Variants in XIRP1 observed in about 807,000 individuals in gnomAD.
The protein encoded by XIRP1 is xin actin-binding repeat-containing protein 1.
For synonymous variants in XIRP1, 984 were observed against 947.0 expected (o/e 1.04, Z -0.72); for missense variants, 2,378 against 2,345.4 (o/e 1.01, Z -0.29).
chr3:39,184,139 A>G lies in XIRP1; in HGVS notation c.5307T>C (p.Thr1769=), dbSNP rs771957452. 3.1e-6 allele frequency: 5 copies of G among 1,612,024 alleles called. No individual in the cohort carries two copies. In the Admixed American group the frequency reaches 8.3e-5, roughly 27 times the overall value. Reference sequence around the variant, plus strand: ...ACTGGTCCACCTCCTCATACTGTTCAGTCACGGTTCTCATGGCTCCATAGT... The same window carrying G: ...ACTGGTCCACCTCCTCATACTGTTCGGTCACGGTTCTCATGGCTCCATAGT... The part of the protein sequence containing the change: ...SQHYGAMRTV[T]EQYEEVDQFG... The change falls in exon 2 of 2, where the codon ACT becomes ACC. Residue 1769 remains threonine (T), a synonymous_variant. Transcript: ENST00000340369.
rs2039990074 is a variant in XIRP1 at position 39,186,949 on chromosome 3, G to C, written c.2497C>G (p.Gln833Glu). The C allele has an allele frequency of 3.1e-6, 5 of 1,612,708 alleles. No homozygotes were observed. The highest frequency in any genetic ancestry group is 4.2e-6 in the Non-Finnish European group (5 of 1,178,820). ...VSGELPRIIC[Q>E]VLRRPDVDQQ... Reference sequence around the variant, plus strand: ...TCCACATCTGGCCGGCGCAGGACTTGGCAGATGATCCTGGGAAGTTCACCT... The same window carrying C: ...TCCACATCTGGCCGGCGCAGGACTTCGCAGATGATCCTGGGAAGTTCACCT... The change falls in exon 2 of 2, where the codon CAA becomes GAA. Residue 833 changes from glutamine to glutamate, a missense_variant. By Grantham distance (29) the Gln-to-Glu change is conservative (BLOSUM62 2). Transcript: ENST00000340369.
In XIRP1 at chr3:39,187,975, C is replaced by A; in HGVS notation, c.1471G>T (p.Gly491Cys). 1.9e-6 allele frequency: 3 copies of A among 1,614,204 alleles called. No homozygotes were observed. Among genetic ancestry groups the A allele is most frequent in the Non-Finnish European group, 2.5e-6 (3 of 1,180,044 alleles). Residue 491 changes from glycine to cysteine, a missense_variant, in exon 2 of 2, where the codon GGC becomes TGC. By Grantham distance (159) the Gly-to-Cys change is radical. Coordinates refer to ENST00000340369, the MANE Select transcript of XIRP1 (RefSeq NM_194293.4). ...SPVYAMQDSK[G>C]RLHALTSVSR... Reference sequence around the variant, plus strand: ...ACAGAGGTCAGGGCATGGAGGCGGCCCTTGCTGTCCTGCATGGCATACACT... The same window carrying A: ...ACAGAGGTCAGGGCATGGAGGCGGCACTTGCTGTCCTGCATGGCATACACT...
chr3:39,188,074 C>A lies in XIRP1; in HGVS notation c.1372G>T (p.Val458Phe). ...LPLDSIGQGE[V>F]LAHGSPSREE... ...CTGCTTGGACTCCCATGGGCCAGAA[C>A]CTCACCCTGTCCAATGCTGTCCAAG... is the stretch of plus-strand genomic sequence containing the variant. Residue 458 changes from valine to phenylalanine, a missense_variant, in exon 2 of 2, where the codon GTT becomes TTT. Physicochemically the swap from Val to Phe is conservative, Grantham distance 50 (BLOSUM62 -1). Transcript: ENST00000340369. The A allele has an allele frequency of 6.2e-7, 1 of 1,614,228 alleles. No homozygotes were observed. The highest frequency in any genetic ancestry group is 8.5e-7 in the Non-Finnish European group (1 of 1,180,040).
intron 1 of XIRP1, among the ~76,000 whole-genome samples, chr3:39,190,122 G>A (rs2040066975): frequency 6.6e-6 from 1 of 152,244 alleles, no homozygotes; most frequent in South Asian, 2.1e-4. Flanking sequence ...GAGAATCAGG[G>A]CTGGGAAGCT....
At position 39,186,073 on chromosome 3, in the gene XIRP1, G is replaced by A. The variant is rs2039963935; in HGVS notation, c.3373C>T (p.Gln1125Ter). The change falls in exon 2 of 2, where the codon CAA becomes TAA. Residue 1125 changes from glutamine (Q) to a stop codon, truncating the protein, a stop_gained. Transcript: ENST00000340369. LOFTEE classifies it low-confidence loss of function (END_TRUNC). ...AAPRKVSREEQALPRGLPGGW... is the reference protein window; with the variant it reads ...AAPRKVSREE ...CCAGGCAGCCCTCTGGGTAGTGCTTGCTCTTCCCTACTGACCTTTCTGGGG... is the reference window on the plus strand; with the variant it reads ...CCAGGCAGCCCTCTGGGTAGTGCTTACTCTTCCCTACTGACCTTTCTGGGG... 1 of 1,614,012 alleles carries A rather than the reference G, an allele frequency of 6.2e-7. No homozygotes were observed. The highest frequency in any genetic ancestry group is 1.3e-5 in the African/African-American group (1 of 74,930).
In XIRP1 at chr3:39,189,262, G is replaced by A. The variant is rs1256762425; in HGVS notation, c.184C>T (p.His62Tyr). Reference protein sequence around the residue: ...SELRRLYRHIHPELRKNLAEA... With the variant: ...SELRRLYRHIYPELRKNLAEA... The stretch of plus-strand genomic sequence containing the variant: ...GCCAGATTCTTGCGGAGCTCAGGGT[G>A]GATGTGCCTGTAGAGGCGGCGGAGC... The change falls in exon 2 of 2, where the codon CAC (histidine) becomes TAC (tyrosine). Residue 62 changes from histidine to tyrosine, a missense_variant. Transcript: ENST00000340369. 3 of 1,613,972 alleles carry A rather than the reference G, an allele frequency of 1.9e-6. No individual in the cohort carries two copies. Among genetic ancestry groups the A allele is most frequent in the Non-Finnish European group, 2.5e-6 (3 of 1,180,034 alleles).
Position 39,185,728 on chromosome 3 carries a change from G to T in XIRP1, c.3718C>A (p.Pro1240Thr). The T allele has an allele frequency of 6.2e-7, 1 of 1,609,200 alleles. No individual in the cohort carries two copies. Among genetic ancestry groups the T allele is most frequent in the East Asian group, 2.2e-5 (1 of 44,834 alleles). Residue 1240 changes from proline (P) to threonine (T), a missense_variant, in exon 2 of 2, where the codon CCC (proline) becomes ACC (threonine). Physicochemically the swap from Pro to Thr is conservative, Grantham distance 38 (BLOSUM62 -1). Transcript: ENST00000340369. ...PLGRHILASG[P>T]QAAGASPHPH... ...TGCGGGCTGGCACCTGCAGCTTGGG[G>T]CCCAGAGGCCAGAATGTGGCGGCCT...
chr3:39,188,523 C>A lies in XIRP1; in HGVS notation c.923G>T (p.Arg308Leu). 6.2e-7 allele frequency: 1 copy of A among 1,608,292 alleles called. No individual in the cohort carries two copies. Among genetic ancestry groups the A allele is most frequent in the Non-Finnish European group, 8.5e-7 (1 of 1,175,538 alleles). ...CAGGGGCTGTGTCTCAAAGATCCAG[C>A]GAGTTGCACTGACGTCGGGCCGGGC... ...EGARPDVSAT[R>L]WIFETQPLDA... Residue 308 changes from arginine (R) to leucine (L), a missense_variant, in exon 2 of 2, where the codon CGC (arginine) becomes CTC (leucine). By Grantham distance (102) the Arg-to-Leu change is moderately radical. Coordinates refer to ENST00000340369, the MANE Select transcript of XIRP1 (RefSeq NM_194293.4).
In XIRP1 at chr3:39,185,277, C is replaced by T; in HGVS notation, c.4169G>A (p.Cys1390Tyr). ...VDQGHIPLARCPSGHSQPSLQ... is the reference protein window; with the variant it reads ...VDQGHIPLARYPSGHSQPSLQ... The stretch of plus-strand genomic sequence containing the variant: ...GCTGGGCTGGCTATGTCCACTGGGA[C>T]ATCTGGCCAGAGGTATGTGGCCCTG... Residue 1390 changes from cysteine (C) to tyrosine (Y), a missense_variant, in exon 2 of 2, where the codon TGT becomes TAT. By Grantham distance (194) the Cys-to-Tyr change is radical. Transcript: ENST00000340369. The T allele has an allele frequency of 1.2e-6, 2 of 1,614,162 alleles. No individual in the cohort carries two copies. The highest frequency in any genetic ancestry group is 1.7e-5 in the Admixed American group (1 of 60,032).
Position 39,188,429 on chromosome 3 carries a change from A to G in XIRP1, c.1017T>C (p.Gly339=). Residue 339 remains glycine (G), a synonymous_variant, in exon 2 of 2, where the codon GGT becomes GGC. Coordinates refer to ENST00000340369, the MANE Select transcript of XIRP1 (RefSeq NM_194293.4). ...FQPSPDLIPP[G]PDVQQQQHLF... is the part of the protein sequence containing the mutation. Reference sequence around the variant, plus strand: ...GATGCTGCTGCTGCTGAACATCTGGACCAGGTGGGATAAGGTCTGGGGATG... The same window carrying G: ...GATGCTGCTGCTGCTGAACATCTGGGCCAGGTGGGATAAGGTCTGGGGATG... 1 of 1,607,010 alleles carries G rather than the reference A, an allele frequency of 6.2e-7. No individual in the cohort carries two copies. The highest frequency in any genetic ancestry group is 8.5e-7 in the Non-Finnish European group (1 of 1,174,742).
At position 39,186,892 on chromosome 3, in the gene XIRP1, T is replaced by C. The variant is rs2039988683; in HGVS notation, c.2554A>G (p.Thr852Ala). Residue 852 changes from threonine (T) to alanine (A), a missense_variant, in exon 2 of 2, where the codon ACT becomes GCT. Thr to Ala is a moderately conservative substitution (Grantham distance 58). Coordinates refer to ENST00000340369, the MANE Select transcript of XIRP1 (RefSeq NM_194293.4). ...QQGLLVQEDPTGQLQLKPLRL... is the reference protein window; with the variant it reads ...QQGLLVQEDPAGQLQLKPLRL... Reference sequence around the variant, plus strand: ...AGCGGCTTGAGTTGGAGCTGGCCAGTTGGGTCTTCCTGCACCAGCAGCCCC... The same window carrying C: ...AGCGGCTTGAGTTGGAGCTGGCCAGCTGGGTCTTCCTGCACCAGCAGCCCC... The C allele has an allele frequency of 6.2e-7, 1 of 1,613,896 alleles. No individual in the cohort carries two copies. Among genetic ancestry groups the C allele is most frequent in the Non-Finnish European group, 8.5e-7 (1 of 1,179,910 alleles).
In XIRP1 at chr3:39,189,461, G is replaced by A; in HGVS notation, c.-16C>T. 6.4e-7 allele frequency: 1 copy of A among 1,565,624 alleles called. No homozygotes were observed. Among genetic ancestry groups the A allele is most frequent in the Non-Finnish European group, 8.7e-7 (1 of 1,156,044 alleles). ...TGTCGGCCATCCTTCTGAGAAGAAGGGGCAGAGATGAGGATGGGATTGGGA... is the reference window on the plus strand; with the variant it reads ...TGTCGGCCATCCTTCTGAGAAGAAGAGGCAGAGATGAGGATGGGATTGGGA... On this transcript the variant is annotated 5_prime_UTR_variant, in exon 2 of 2. Transcript: ENST00000340369.
Position 39,184,305 on chromosome 3 carries a change from C to T in XIRP1, c.5141G>A (p.Gly1714Asp). 1.2e-6 allele frequency: 2 copies of T among 1,614,202 alleles called. No homozygotes were observed. The highest frequency in any genetic ancestry group is 1.7e-6 in the Non-Finnish European group (2 of 1,180,040). Reference protein sequence around the residue: ...DIGQALLHQKGVQDKTGKKDI... With the variant: ...DIGQALLHQKDVQDKTGKKDI... Reference sequence around the variant, plus strand: ...CTTCTTCCCAGTTTTGTCTTGGACACCTTTCTGGTGGAGCAGGGCCTGGCC... The same window carrying T: ...CTTCTTCCCAGTTTTGTCTTGGACATCTTTCTGGTGGAGCAGGGCCTGGCC... Residue 1714 changes from glycine to aspartate, a missense_variant, in exon 2 of 2, where the codon GGT becomes GAT. Physicochemically the swap from Gly to Asp is moderately conservative, Grantham distance 94. Coordinates refer to ENST00000340369, the MANE Select transcript of XIRP1 (RefSeq NM_194293.4).
chr3:39,186,900 T>A lies in XIRP1; in HGVS notation c.2546A>T (p.Glu849Val), dbSNP rs777410199. ...GAGTTGGAGCTGGCCAGTTGGGTCT[T>A]CCTGCACCAGCAGCCCCTGCTGGTC... ...DVDQQGLLVQ[E>V]DPTGQLQLKP... Residue 849 changes from glutamate to valine, a missense_variant, in exon 2 of 2, where the codon GAA becomes GTA. Coordinates refer to ENST00000340369, the MANE Select transcript of XIRP1 (RefSeq NM_194293.4). 6.2e-7 allele frequency: 1 copy of A among 1,613,958 alleles called. No individual in the cohort carries two copies. Among genetic ancestry groups the A allele is most frequent in the Non-Finnish European group, 8.5e-7 (1 of 1,179,908 alleles).
In XIRP1 at chr3:39,189,144, C is replaced by T. The variant is rs367921912; in HGVS notation, c.302G>A (p.Trp101Ter). ...GTGTTCTCCAATGGCATCCAGTCTCCAGTTCTCAAAGATCCAGCGCATGCA... is the reference window on the plus strand; with the variant it reads ...GTGTTCTCCAATGGCATCCAGTCTCTAGTTCTCAAAGATCCAGCGCATGCA... The part of the protein sequence containing the change: ...VQCMRWIFEN[W>*]RLDAIGEHER... The change falls in exon 2 of 2, where the codon TGG becomes TAG. Residue 101 changes from tryptophan to a stop codon, truncating the protein, a stop_gained. Coordinates refer to ENST00000340369, the MANE Select transcript of XIRP1 (RefSeq NM_194293.4). LOFTEE classifies it low-confidence loss of function (END_TRUNC). 8 of 1,614,002 alleles carry T rather than the reference C, an allele frequency of 5.0e-6. No homozygotes were observed. Among genetic ancestry groups the T allele is most frequent in the Non-Finnish European group, 6.8e-6 (8 of 1,180,048 alleles).
chr3:39,187,158 A>G lies in XIRP1; in HGVS notation c.2288T>C (p.Met763Thr). 6.2e-7 allele frequency: 1 copy of G among 1,608,938 alleles called. No homozygotes were observed. The highest frequency in any genetic ancestry group is 8.5e-7 in the Non-Finnish European group (1 of 1,175,780). ...AGCTGCAGTCTCCTGGCTCTCTTGC[A>G]TCCTGTTGCCTGAGGGGCTCATGGG... Reference protein sequence around the residue: ...EQPMSPSGNRMQESQETAAEG... With the variant: ...EQPMSPSGNRTQESQETAAEG... Residue 763 changes from methionine (M) to threonine (T), a missense_variant, in exon 2 of 2, where the codon ATG (methionine) becomes ACG (threonine). Coordinates refer to ENST00000340369, the MANE Select transcript of XIRP1 (RefSeq NM_194293.4).
Position 39,185,442 on chromosome 3 carries a change from T to C in XIRP1, c.4004A>G (p.Gln1335Arg), listed in dbSNP as rs755974796. The change falls in exon 2 of 2, where the codon CAG becomes CGG. Residue 1335 changes from glutamine (Q) to arginine (R), a missense_variant. Gln to Arg is a conservative substitution (Grantham distance 43, BLOSUM62 1). Transcript: ENST00000340369. ...QLPPKPAHLTQSHPPQRLPKP... is the reference protein window; with the variant it reads ...QLPPKPAHLTRSHPPQRLPKP... ...GGGCAGCCTCTGAGGAGGGTGGCTCTGGGTTAGGTGTGCAGGTTTAGGGGG... is the reference window on the plus strand; with the variant it reads ...GGGCAGCCTCTGAGGAGGGTGGCTCCGGGTTAGGTGTGCAGGTTTAGGGGG... The C allele has an allele frequency of 1.9e-6, 3 of 1,605,880 alleles. No homozygotes were observed. Among genetic ancestry groups the C allele is most frequent in the South Asian group, 2.2e-5 (2 of 89,820 alleles).
Position 39,183,985 on chromosome 3 carries a change from A to AC in XIRP1, c.5460dup (p.Phe1821ValfsTer4). The AC allele has an allele frequency of 6.2e-7, 1 of 1,612,572 alleles. No individual in the cohort carries two copies. Among genetic ancestry groups the AC allele is most frequent in the Non-Finnish European group, 8.5e-7 (1 of 1,179,922 alleles). ...TCAGCTTCTGTCAGGTCACTGCTGA[A>AC]CCCAGCTGGGCTGTGCAGGAACTGC... On this transcript the variant is annotated frameshift_variant, in exon 2 of 2. Coordinates refer to ENST00000340369, the MANE Select transcript of XIRP1 (RefSeq NM_194293.4). LOFTEE classifies it low-confidence loss of function (END_TRUNC).
At chr3:39,190,948 T>A (rs1356632254) in intron 1 of XIRP1, among the ~76,000 whole-genome samples, 1 of 152,176 alleles carries the variant, frequency 6.6e-6, no homozygotes, top group Middle Eastern at 3.2e-3. Context: ...TGGGCTCCCC[T>A]ATCCTGCCTC....
Sources: allele counts gnomAD v4.1 joint callset (sites outside exome capture counted in the v4.1 genomes callset), GRCh38; gene constraint gnomAD v4.1.1; transcripts MANE v1.5; gene names NCBI Gene and HGNC (gene_info 2026-07-23, HGNC 2026-07-21).